GNG2: variants seen among roughly 807,000 people sequenced by gnomAD.
GNG2 encodes guanine nucleotide-binding protein G(I)/G(S)/G(O) subunit gamma-2.
A neutral mutation model predicts 5.5 loss-of-function variants in GNG2; 5 were observed. That is an observed-to-expected ratio of 0.91 (90% confidence interval 0.48 to 1.92). The LOEUF is 1.92. Ranked by LOEUF, GNG2 falls within the 30% of genes most tolerant of loss-of-function variation. The pLI, the probability that GNG2 is intolerant of heterozygous loss-of-function variation, is 0.01. For missense variants in GNG2, 55 were observed against 88.4 expected, an observed-to-expected ratio of 0.62 and a Z score of 1.52; for synonymous variants, 28 against 32.0, an observed-to-expected ratio of 0.88 and a Z score of 0.42.
At chr14:51,851,526 GTA>G (rs961772072) in intron 2 of GNG2, among the ~76,000 whole-genome samples, 4 of 152,194 alleles carry the variant, frequency 2.6e-5, no homozygotes, top group African/African-American at 9.6e-5. Flanking sequence ...AGTGCTTACT[GTA>G]TATCAGGCAC....
intron 2 of GNG2, among the ~76,000 whole-genome samples, chr14:51,887,004 A>G (rs1391924644): frequency 1.3e-5 from 2 of 152,146 alleles, no homozygotes; most frequent in Admixed American, 6.5e-5. Context: ...ACTTACAAAA[A>G]CTTGTTTAAA....
At chr14:51,833,376 A>T (rs577094247) in intron 2 of GNG2, among the ~76,000 whole-genome samples, 1 of 152,142 alleles carries the variant, frequency 6.6e-6, no homozygotes, top group Non-Finnish European at 1.5e-5. Flanking sequence ...AATTTCTTCT[A>T]ATGTAGATCA....
intron 2 of GNG2, among the ~76,000 whole-genome samples, chr14:51,890,924 A>G (rs971720086): frequency 2.4e-5 from 2 of 84,138 alleles, no homozygotes; most frequent in Non-Finnish European, 5.0e-5. Context: ...TAGTTCCTAA[A>G]GAGATGGCTT....
chr14:51,918,676 C>T (rs1358089523), intron 2 of GNG2: 1 of 152,092 alleles, frequency 6.6e-6, no homozygotes, highest in Non-Finnish European at 1.5e-5. Flanking sequence ...GAAACTAAAG[C>T]AGATTTATTA....
At chr14:51,867,911 T>G (rs890633692) in intron 1 of GNG2, among the ~76,000 whole-genome samples, 2 of 152,326 alleles carry the variant, frequency 1.3e-5, no homozygotes, top group East Asian at 3.9e-4. Flanking sequence ...TTTTTTTTTT[T>G]GACCACACTC....
At chr14:51,906,757 C>CTTTTTTTTTTTTTTTTTTTTTTTTT (rs34240079) in intron 2 of GNG2, among the ~76,000 whole-genome samples, 10 of 105,300 alleles carry the variant, frequency 9.5e-5, no homozygotes, top group African/African-American at 3.3e-4. Flanking sequence ...TGGAGAATCT[C>CTTTTTTTTTTTTTTTTTTTTTTTTT]TTTTTTTTTT....
Position 51,950,647 on chromosome 14 carries a change from T to C in GNG2, c.-29-3T>C, listed in dbSNP as rs531961329. The C allele has an allele frequency of 2.4e-4, 372 of 1,521,064 alleles. 1 individual carries two copies. The East Asian group carries it at 2.8e-3, about 11-fold the overall frequency. 94.2% of individuals were successfully genotyped at this position (1,521,064 alleles called of 1,614,324 possible). A position where few individuals can be genotyped will look rare whatever the true frequency, so the allele number is the denominator to read the frequency against. Reference sequence around the variant, plus strand: ...ACAATCTTCTTTTTGTTTTCTTTTCTAGTGTTTCTGAAAGATCTATCCAGC... The same window carrying C: ...ACAATCTTCTTTTTGTTTTCTTTTCCAGTGTTTCTGAAAGATCTATCCAGC... On this transcript the variant is annotated splice_polypyrimidine_tract_variant and splice_region_variant and intron_variant, in intron 2 of 3. Coordinates refer to ENST00000556766, the MANE Select transcript of GNG2 (RefSeq NM_053064.5).
Position 51,969,520 on chromosome 14 carries a change from A to C in GNG2, c.*2833A>C, listed in dbSNP as rs1223435004. On this transcript the variant is annotated 3_prime_UTR_variant, in exon 4 of 4. Transcript: ENST00000556766. ...ATAGTCACATATGGAATTTTGAGAA[A>C]ATAAAGCATGCTGTCTTTAGGAATT... is the stretch of plus-strand genomic sequence containing the variant. 1 of 152,242 alleles carries C rather than the reference A, an allele frequency of 6.6e-6. No homozygotes were observed. The highest frequency in any genetic ancestry group is 6.5e-5 in the Admixed American group (1 of 15,284). The allele number at this position is 152,242 out of a possible 1,614,324, so 9.4% of individuals were successfully genotyped here. A position where few individuals can be genotyped will look rare whatever the true frequency, so the allele number is the denominator to read the frequency against.
At chr14:51,965,368 C>G (rs1889833951) in intron 3 of GNG2, among the ~76,000 whole-genome samples, 1 of 152,058 alleles carries the variant, frequency 6.6e-6, no homozygotes, top group South Asian at 2.1e-4. Context: ...AAATTTGACC[C>G]CAAATGGCAT....
At chr14:51,859,730 C>T (rs1882336197), upstream of GNG2, among the ~76,000 whole-genome samples, 1 of 152,096 alleles carries the variant, frequency 6.6e-6, no homozygotes, top group Non-Finnish European at 1.5e-5. Flanking sequence ...GCAGGCTCTA[C>T]CCTGGTGGGT....
intron 2 of GNG2, among the ~76,000 whole-genome samples, chr14:51,894,976 A>C (rs554192194): frequency 1.1e-3 from 171 of 152,224 alleles, no homozygotes; most frequent in African/African-American, 3.8e-3. Flanking sequence ...AACAAAGAAG[A>C]ACTTTTAAAA....
chr14:51,856,142 C>T (rs1230465231), upstream of GNG2, among the ~76,000 whole-genome samples: 16 of 152,044 alleles, frequency 1.1e-4, no homozygotes, highest in East Asian at 2.3e-3. Context: ...TGTGCCACTG[C>T]ACTACACCCT....
intron 2 of GNG2, among the ~76,000 whole-genome samples, chr14:51,918,733 C>T (rs1474048043): frequency 2.6e-5 from 4 of 152,282 alleles, no homozygotes; most frequent in African/African-American, 7.2e-5. Flanking sequence ...TTCTTACTGC[C>T]TTCATTGTAA....
intron 1 of GNG2, among the ~76,000 whole-genome samples, chr14:51,871,909 G>T (rs751307927): frequency 2.6e-5 from 4 of 152,200 alleles, no homozygotes; most frequent in Non-Finnish European, 5.9e-5. Flanking sequence ...GCTCAGGATA[G>T]GCTTCCACTT....
At chr14:51,920,134 T>C (rs1482020519) in intron 2 of GNG2, among the ~76,000 whole-genome samples, 1 of 152,106 alleles carries the variant, frequency 6.6e-6, no homozygotes, top group Non-Finnish European at 1.5e-5. Context: ...ATCAAAAATA[T>C]GGTATTTGTG....
chr14:51,896,185 G>C (rs1333074399), intron 2 of GNG2, among the ~76,000 whole-genome samples: 2 of 152,110 alleles, frequency 1.3e-5, no homozygotes, highest in Non-Finnish European at 2.9e-5. Context: ...TTAACTAGGA[G>C]GATCAATGCA....
At chr14:51,870,572 A>G (rs1317401307) in intron 1 of GNG2, among the ~76,000 whole-genome samples, 1 of 152,258 alleles carries the variant, frequency 6.6e-6, no homozygotes, top group Non-Finnish European at 1.5e-5. Context: ...CATTCTGTGT[A>G]TAGTATCTGT....
In GNG2 at chr14:51,950,780, A is replaced by G. The variant is rs1321505315; in HGVS notation, c.87+15A>G. On this transcript the variant is annotated intron_variant, in intron 3 of 3. Coordinates refer to ENST00000556766, the MANE Select transcript of GNG2 (RefSeq NM_053064.5). The stretch of plus-strand genomic sequence containing the variant: ...ACAGGATAAAGGTGAGGATGGTCTA[A>G]CCCCACACTTCATCTAGCGTGAGTC... 1 of 1,516,430 alleles carries G rather than the reference A, an allele frequency of 6.6e-7. No homozygotes were observed. The highest frequency in any genetic ancestry group is 1.2e-5 in the South Asian group (1 of 83,574). 93.9% of individuals were successfully genotyped at this position (1,516,430 alleles called of 1,614,324 possible).
At chr14:51,950,623 C>G (rs759423982) in intron 2 of GNG2, 27 bp from the exon 3 acceptor site, 1 of 1,357,066 alleles carries the variant, frequency 7.4e-7, no homozygotes, top group Non-Finnish European at 1.0e-6. Flanking sequence ...TTCTCTGGTA[C>G]AATCTTCTTT....
Sources: allele counts gnomAD v4.1 joint callset (sites outside exome capture counted in the v4.1 genomes callset), GRCh38; gene constraint gnomAD v4.1.1; transcripts MANE v1.5; gene names NCBI Gene and HGNC (gene_info 2026-07-23, HGNC 2026-07-21).